RBP3: variants seen among roughly 807,000 people sequenced by gnomAD.
RBP3 encodes the protein retinol binding protein 3, also known as retinol-binding protein 3.
RBP3 carries 50 observed loss-of-function variants against 64.8 expected under a neutral mutation model. The observed-to-expected ratio is 0.77, with a 90% CI of 0.61 to 0.98. The LOEUF (loss-of-function observed/expected upper bound fraction) is 0.98, where lower values mean the gene tolerates loss of function less well. Among genes scored for constraint, RBP3 ranks in the 50% least tolerant of loss-of-function variants. The pLI is 0.00. For synonymous variants in RBP3, 828 were observed against 730.2 expected, an observed-to-expected ratio of 1.13 and a Z score of -2.16; for missense variants, 1,712 against 1,660.5, an observed-to-expected ratio of 1.03 and a Z score of -0.54.
rs552624354 is a variant in RBP3 at position 47,350,938 on chromosome 10, A to G, written c.2454A>G (p.Ser818=). The part of the protein sequence containing the change: ...HLYSVFDRAT[S]KVTEVWTLPQ... ...ATTCTGTCTTTGACAGGGCCACCTCAAAAGTCACGGAGGTGTGGACCTTGC... is the reference window on the plus strand; with the variant it reads ...ATTCTGTCTTTGACAGGGCCACCTCGAAAGTCACGGAGGTGTGGACCTTGC... The change falls in exon 1 of 4, where the codon TCA becomes TCG. Residue 818 remains serine, a synonymous_variant. Transcript: ENST00000584701. The G allele has an allele frequency of 2.5e-6, 4 of 1,612,966 alleles. No homozygotes were observed. In the South Asian group the frequency reaches 4.4e-5, roughly 18 times the overall value.
rs1836900999 is a variant in RBP3 at position 47,349,075 on chromosome 10, C to A, written c.591C>A (p.Asp197Glu). The A allele has an allele frequency of 6.2e-7, 1 of 1,613,902 alleles. No individual in the cohort carries two copies. The highest frequency in any genetic ancestry group is 8.5e-7 in the Non-Finnish European group (1 of 1,180,040). Residue 197 changes from aspartate to glutamate, a missense_variant, in exon 1 of 4, where the codon GAC (aspartate) becomes GAA (glutamate). Transcript: ENST00000584701. ...CAGGGAACACCATCCTGCACGTGGA[C>A]ACTATCTACAACCGCCCCTCCAACA... The part of the protein sequence containing the change: ...LHPGNTILHV[D>E]TIYNRPSNTT...
At position 47,351,156 on chromosome 10, in the gene RBP3, C is replaced by T. The variant is rs782780175; in HGVS notation, c.2672C>T (p.Ala891Val). The T allele has an allele frequency of 5.6e-6, 9 of 1,612,976 alleles. No homozygotes were observed. Among genetic ancestry groups the T allele is most frequent in the Non-Finnish European group, 7.6e-6 (9 of 1,180,054 alleles). Residue 891 changes from alanine to valine, a missense_variant, in exon 1 of 4, where the codon GCA (alanine) becomes GTA (valine). Transcript: ENST00000584701. Reference protein sequence around the residue: ...IYQVGSSPLYASMPTQMAMSA... With the variant: ...IYQVGSSPLYVSMPTQMAMSA... The stretch of plus-strand genomic sequence containing the variant: ...CAGGTGGGCAGCAGCCCCTTATATG[C>T]ATCCATGCCCACCCAGATGGCCATG...
Position 47,349,928 on chromosome 10 carries a change from C to G in RBP3, c.1444C>G (p.Pro482Ala), listed in dbSNP as rs1555211216. The stretch of plus-strand genomic sequence containing the variant: ...CCTCATCATGGACCTGCGCCACAAC[C>G]CTGGAGGGCCATCCTCTGCTGTGCC... ...EHLIMDLRHN[P>A]GGPSSAVPLL... Residue 482 changes from proline (P) to alanine (A), a missense_variant, in exon 1 of 4, where the codon CCT (proline) becomes GCT (alanine). Physicochemically the swap from Pro to Ala is conservative, Grantham distance 27. Coordinates refer to ENST00000584701, the MANE Select transcript of RBP3 (RefSeq NM_002900.3). The G allele has an allele frequency of 5.0e-6, 8 of 1,612,558 alleles. No individual in the cohort carries two copies. The South Asian group carries it at 5.5e-5, about 11-fold the overall frequency.
chr10:47,357,176 ACCTATAT>A lies in RBP3; in HGVS notation c.3465_3471del (p.Tyr1156Ter), dbSNP rs1457818070. 1 of 1,613,732 alleles carries A rather than the reference ACCTATAT, an allele frequency of 6.2e-7. No homozygotes were observed. The highest frequency in any genetic ancestry group is 8.5e-7 in the Non-Finnish European group (1 of 1,180,000). ...GACGGCCGGCACCGCGGAGGAGTTCACCTATATCATGAAGAGGCTGGGCCGGGCCCTG... is the reference window on the plus strand; with the variant it reads ...GACGGCCGGCACCGCGGAGGAGTTCACATGAAGAGGCTGGGCCGGGCCCTG... On this transcript the variant is annotated frameshift_variant, in exon 4 of 4. Transcript: ENST00000584701. LOFTEE classifies it high-confidence loss of function.
rs1555211029 is a variant in RBP3, at chr10:47,349,264, G to A, written c.780G>A (p.Gly260=). 3 of 1,613,174 alleles carry A rather than the reference G, an allele frequency of 1.9e-6. No homozygotes were observed. The Middle Eastern group carries it at 4.9e-4, about 266-fold the overall frequency. ...RRAIVVGERT[G]GGALDLRKLR... ...CCATCGTGGTGGGCGAGCGGACTGG[G>A]GGAGGGGCCCTGGACCTCCGGAAGC... The change falls in exon 1 of 4, where the codon GGG becomes GGA. Residue 260 remains glycine, a synonymous_variant. Coordinates refer to ENST00000584701, the MANE Select transcript of RBP3 (RefSeq NM_002900.3).
intron 2 of RBP3, 57 bp downstream of exon 2, chr10:47,353,572 T>C: frequency 6.3e-7 from 1 of 1,593,002 alleles, no homozygotes; most frequent in Non-Finnish European, 8.6e-7. Flanking sequence ...CAGGGGACAG[T>C]CAAAGCTATG....
Position 47,350,080 on chromosome 10 carries a change from C to A in RBP3, c.1596C>A (p.Ser532Arg), listed in dbSNP as rs1555211262. 1 of 1,613,048 alleles carries A rather than the reference C, an allele frequency of 6.2e-7. No individual in the cohort carries two copies. Among genetic ancestry groups the A allele is most frequent in the Admixed American group, 1.7e-5 (1 of 60,018 alleles). The change falls in exon 1 of 4, where the codon AGC (serine) becomes AGA (arginine). Residue 532 changes from serine to arginine, a missense_variant. Coordinates refer to ENST00000584701, the MANE Select transcript of RBP3 (RefSeq NM_002900.3). The stretch of plus-strand genomic sequence containing the variant: ...TGGAGCTCCCGGGCCCACGCTACAG[C>A]ACCCAACGTGGGGTGTATCTGCTCA... ...SHMELPGPRY[S>R]TQRGVYLLTS...
chr10:47,352,525 G>A (rs782816190), intron 1 of RBP3, among the ~76,000 whole-genome samples: 10 of 152,210 alleles, frequency 6.6e-5, no homozygotes, highest in East Asian at 3.9e-4. Flanking sequence ...ACTGAGGCCC[G>A]GAGAGGAGCA....
In RBP3 at chr10:47,351,279, C is replaced by T; in HGVS notation, c.2795C>T (p.Ala932Val). The T allele has an allele frequency of 6.2e-7, 1 of 1,613,478 alleles. No homozygotes were observed. The highest frequency in any genetic ancestry group is 8.5e-7 in the Non-Finnish European group (1 of 1,180,048). The change falls in exon 1 of 4, where the codon GCT becomes GTT. Residue 932 changes from alanine (A) to valine (V), a missense_variant. By Grantham distance (64) the Ala-to-Val change is moderately conservative. Transcript: ENST00000584701. ...EALSIAQDIV[A>V]LRAKVPTVLQ... Reference sequence around the variant, plus strand: ...CTTTCCATAGCCCAGGACATAGTGGCTCTGCGTGCCAAGGTGCCCACGGTG... The same window carrying T: ...CTTTCCATAGCCCAGGACATAGTGGTTCTGCGTGCCAAGGTGCCCACGGTG...
chr10:47,351,660 G>T, intron 1 of RBP3, 122 bp downstream of exon 1: 1 of 1,266,858 alleles, frequency 7.9e-7, no homozygotes, highest in Non-Finnish European at 1.1e-6. Flanking sequence ...TCACGTTTAA[G>T]TTTTGACCGG....
In RBP3 at chr10:47,350,969, G is replaced by T. The variant is rs1555211482; in HGVS notation, c.2485G>T (p.Val829Phe). Residue 829 changes from valine to phenylalanine, a missense_variant, in exon 1 of 4, where the codon GTC (valine) becomes TTC (phenylalanine). Coordinates refer to ENST00000584701, the MANE Select transcript of RBP3 (RefSeq NM_002900.3). ...CACGGAGGTGTGGACCTTGCCCCAG[G>T]TCGCCGGCCAGCGCTACGGCTCACA... ...KVTEVWTLPQ[V>F]AGQRYGSHKD... 3 of 1,612,580 alleles carry T rather than the reference G, an allele frequency of 1.9e-6. No homozygotes were observed. Among genetic ancestry groups the T allele is most frequent in the Non-Finnish European group, 2.5e-6 (3 of 1,179,998 alleles).
Position 47,351,078 on chromosome 10 carries a change from C to T in RBP3, c.2594C>T (p.Ala865Val). Residue 865 changes from alanine (A) to valine (V), a missense_variant, in exon 1 of 4, where the codon GCC becomes GTC. Coordinates refer to ENST00000584701, the MANE Select transcript of RBP3 (RefSeq NM_002900.3). Reference protein sequence around the residue: ...FAHTMQDLQRATVIGEPTAGG... With the variant: ...FAHTMQDLQRVTVIGEPTAGG... ...CACACCATGCAGGACCTGCAGCGGG[C>T]CACGGTCATTGGGGAGCCCACGGCC... 1.9e-6 allele frequency: 3 copies of T among 1,611,998 alleles called. No individual in the cohort carries two copies. The highest frequency in any genetic ancestry group is 2.2e-5 in the East Asian group (1 of 44,872).
intron 1 of RBP3, among the ~76,000 whole-genome samples, chr10:47,352,706 T>C (rs1198729507): frequency 1.3e-5 from 2 of 152,252 alleles, no homozygotes. Flanking sequence ...TAGCCTGTGC[T>C]AGGCTTGCAG....
In RBP3 at chr10:47,357,300, G is replaced by T. The variant is rs558333123; in HGVS notation, c.3587G>T (p.Arg1196Leu). ...TNLYLTIPTA[R>L]SVGASDGSSW... ...CTCTACCTCACTATCCCCACGGCCC[G>T]TTCTGTGGGGGCCTCGGATGGCAGC... Residue 1196 changes from arginine to leucine, a missense_variant, in exon 4 of 4, where the codon CGT (arginine) becomes CTT (leucine). By Grantham distance (102) the Arg-to-Leu change is moderately radical. Coordinates refer to ENST00000584701, the MANE Select transcript of RBP3 (RefSeq NM_002900.3). 1 of 1,614,166 alleles carries T rather than the reference G, an allele frequency of 6.2e-7. No homozygotes were observed. Among genetic ancestry groups the T allele is most frequent in the South Asian group, 1.1e-5 (1 of 91,084 alleles).
chr10:47,349,171 C>T lies in RBP3; in HGVS notation c.687C>T (p.Val229=), dbSNP rs1555210999. 6.2e-7 allele frequency: 1 copy of T among 1,613,812 alleles called. No individual in the cohort carries two copies. The highest frequency in any genetic ancestry group is 2.2e-5 in the East Asian group (1 of 44,878). The change falls in exon 1 of 4, where the codon GTC becomes GTT. Residue 229 remains valine, a synonymous_variant. Transcript: ENST00000584701. ...ERYGADKDVV[V]LTSSQTRGVA... is the part of the protein sequence containing the mutation. The stretch of plus-strand genomic sequence containing the variant: ...ACGGTGCCGACAAGGATGTGGTGGT[C>T]CTCACCAGCAGCCAGACCAGGGGCG...
Position 47,357,706 on chromosome 10 carries a change from C to G in RBP3, c.*249C>G. On this transcript the variant is annotated 3_prime_UTR_variant, in exon 4 of 4. Coordinates refer to ENST00000584701, the MANE Select transcript of RBP3 (RefSeq NM_002900.3). Reference sequence around the variant, plus strand: ...AACCACCTAAATTTTAACAAAGGTTCCTTCTAAGTGGTAGAACTTGGGGTG... The same window carrying G: ...AACCACCTAAATTTTAACAAAGGTTGCTTCTAAGTGGTAGAACTTGGGGTG... 2.6e-6 allele frequency: 1 copy of G among 381,512 alleles called. No individual in the cohort carries two copies. Among genetic ancestry groups the G allele is most frequent in the South Asian group, 7.8e-5 (1 of 12,752 alleles). The allele number at this position is 381,512 out of a possible 1,614,324, so 23.6% of individuals were successfully genotyped here. A position where few individuals can be genotyped will look rare whatever the true frequency, so the allele number is the denominator to read the frequency against.
At position 47,351,545 on chromosome 10, in the gene RBP3, C is replaced by T. The variant is rs1233947310; in HGVS notation, c.3054+7C>T. On this transcript the variant is annotated splice_region_variant and intron_variant, in intron 1 of 3. Coordinates refer to ENST00000584701, the MANE Select transcript of RBP3 (RefSeq NM_002900.3). ...TGGAATTGTGCCCATGCAGGTGAGA[C>T]CCAAGAGAGACCTGGCTGAACCCAG... The T allele has an allele frequency of 2.5e-6, 4 of 1,613,384 alleles. No homozygotes were observed. The African/African-American group carries it at 5.3e-5, about 22-fold the overall frequency.
At position 47,348,413 on chromosome 10, in the gene RBP3, A is replaced by T; in HGVS notation, c.-72A>T. On this transcript the variant is annotated 5_prime_UTR_variant, in exon 1 of 4. Transcript: ENST00000584701. ...GGACAAGGGCGGAAGGCAGCTGCACAGAGCAGGGCCACGGCCTTGCACACA... is the reference window on the plus strand; with the variant it reads ...GGACAAGGGCGGAAGGCAGCTGCACTGAGCAGGGCCACGGCCTTGCACACA... 3 of 1,535,168 alleles carry T rather than the reference A, an allele frequency of 2.0e-6. No individual in the cohort carries two copies. Among genetic ancestry groups the T allele is most frequent in the African/African-American group, 2.7e-5 (2 of 73,498 alleles).
chr10:47,352,814 T>C (rs1192195278), intron 1 of RBP3, among the ~76,000 whole-genome samples: 2 of 152,224 alleles, frequency 1.3e-5, no homozygotes, highest in Non-Finnish European at 2.9e-5. Flanking sequence ...CTCCACCACT[T>C]ACTGACTGTG....
Sources: gnomAD v4.1 joint callset for allele counts (sites outside exome capture counted in the v4.1 genomes callset) on GRCh38, gnomAD v4.1.1 for gene constraint, MANE v1.5 for transcripts, NCBI Gene and HGNC (gene_info 2026-07-23, HGNC 2026-07-21) for gene names.